Variants in USP34 observed in about 807,000 individuals in gnomAD.
USP34 encodes ubiquitin carboxyl-terminal hydrolase 34.
Under a neutral mutation model 460.3 loss-of-function variants are expected in USP34, and 70 were observed. The ratio of observed to expected loss-of-function variants is 0.15; its 90% CI spans 0.13 to 0.19. The LOEUF (loss-of-function observed/expected upper bound fraction) is 0.19, where lower values mean the gene tolerates loss of function less well. Among genes scored for constraint, USP34 ranks in the 10% least tolerant of loss-of-function variants. The pLI is 1.00. For missense variants in USP34, 3,985 were observed against 4,236.2 expected (o/e 0.94, Z 1.65); for synonymous variants, 1,647 against 1,405.3 (o/e 1.17, Z -3.85).
intron 27 of USP34, among the ~76,000 whole-genome samples, chr2:61,303,498 C>A (rs1050168441): frequency 6.6e-6 from 1 of 152,136 alleles, no homozygotes; most frequent in Admixed American, 6.5e-5. Context: ...TTATTCAAAT[C>A]ATTTTGTATT....
intron 1 of USP34, among the ~76,000 whole-genome samples, chr2:61,465,872 G>A (rs1360463248): frequency 2.0e-5 from 3 of 152,142 alleles, no homozygotes; most frequent in African/African-American, 7.2e-5. Flanking sequence ...AGCTCCTCGG[G>A]AAGCTGAGTC....
chr2:61,320,418 C>T (rs1447035123), intron 21 of USP34, among the ~76,000 whole-genome samples: 1 of 152,182 alleles, frequency 6.6e-6, no homozygotes, highest in Non-Finnish European at 1.5e-5. Context: ...GGGAGGAAAC[C>T]AGGGTACCCA....
intron 58 of USP34, 66 bp downstream of exon 58, chr2:61,232,386 T>C: frequency 7.7e-7 from 1 of 1,305,518 alleles, no homozygotes; most frequent in Non-Finnish European, 1.1e-6. Flanking sequence ...ATAAGCAAAT[T>C]GAGAATAATT....
At chr2:61,463,363 T>C (rs1007827424) in intron 1 of USP34, among the ~76,000 whole-genome samples, 8 of 152,254 alleles carry the variant, frequency 5.3e-5, no homozygotes, top group East Asian at 3.9e-4. Context: ...TTTTATTCAA[T>C]GAAAAAGATT....
At chr2:61,400,008 T>A (rs1427328857) in intron 3 of USP34, among the ~76,000 whole-genome samples, 1 of 151,934 alleles carries the variant, frequency 6.6e-6, no homozygotes, top group Non-Finnish European at 1.5e-5. Flanking sequence ...AAACCTCCCA[T>A]TTACTACATG....
chr2:61,339,216 A>T, intron 18 of USP34, 135 bp downstream of exon 18: 1 of 859,932 alleles, frequency 1.2e-6, no homozygotes, highest in Non-Finnish European at 1.6e-6. Flanking sequence ...TTCATATGAA[A>T]ACTATAATTA....
intron 1 of USP34, among the ~76,000 whole-genome samples, chr2:61,458,721 CCT>C (rs1480632229): frequency 6.6e-6 from 1 of 151,112 alleles, no homozygotes; most frequent in African/African-American, 2.4e-5. Context: ...ATATTTCACT[CCT>C]CTCATTCCCA....
chr2:61,395,254 A>G, intron 3 of USP34, 21 bp from the exon 4 acceptor site: 1 of 1,356,218 alleles, frequency 7.4e-7, no homozygotes, highest in Non-Finnish European at 1.0e-6. Context: ...AAAAAAAAGC[A>G]AGTAAAATTA....
chr2:61,391,678 G>C (rs1374355569), intron 5 of USP34, among the ~76,000 whole-genome samples: 28 of 152,042 alleles, frequency 1.8e-4, no homozygotes, highest in Admixed American at 1.8e-3. Context: ...AAAAGGAATA[G>C]ACATACAAAA....
At chr2:61,366,290 TA>T (rs1692438781) in intron 10 of USP34, among the ~76,000 whole-genome samples, 1 of 152,148 alleles carries the variant, frequency 6.6e-6, no homozygotes, top group Admixed American at 6.5e-5. Flanking sequence ...GTAAGAAAGC[TA>T]TAGAGGAGGT....
intron 23 of USP34, among the ~76,000 whole-genome samples, chr2:61,316,136 G>C (rs1243729273): frequency 2.6e-5 from 4 of 152,108 alleles, no homozygotes; most frequent in African/African-American, 9.7e-5. Context: ...AACCTGGGAG[G>C]CGGAGGTTGC....
At chr2:61,300,880 C>A in intron 29 of USP34, 71 bp downstream of exon 29, 8 of 975,346 alleles carry the variant, frequency 8.2e-6, no homozygotes, top group South Asian at 1.8e-5. Context: ...ATAAACTATA[C>A]TTTTATTAAA....
Position 61,220,151 on chromosome 2 carries a change from TAAAAA to T in USP34, c.8047+154_8047+158del, listed in dbSNP as rs60784334. ...CAAGAAATAACATGGTTTCCTATCCTAAAAAAAAAAAAAAAAAAAAAAAAAAAAAA... is the reference window on the plus strand; with the variant it reads ...CAAGAAATAACATGGTTTCCTATCCTAAAAAAAAAAAAAAAAAAAAAAAAA... On this transcript the variant is annotated intron_variant, in intron 67 of 79. Coordinates refer to ENST00000398571, the MANE Select transcript of USP34 (RefSeq NM_014709.4). 5.6e-3 allele frequency: 948 copies of T among 168,880 alleles called. 2 individuals are homozygous for T. Among genetic ancestry groups the T allele is most frequent in the Non-Finnish European group, 7.1e-3 (730 of 102,596 alleles). The allele number at this position is 168,880 out of a possible 1,614,324, so 10.5% of individuals were successfully genotyped here.
At chr2:61,444,715 A>C (rs1174078047) in intron 1 of USP34, among the ~76,000 whole-genome samples, 12 of 152,146 alleles carry the variant, frequency 7.9e-5, no homozygotes, top group Admixed American at 7.9e-4. Flanking sequence ...TACCTGAATG[A>C]CATGCCTAGT....
At chr2:61,300,900 T>G (rs1275469290) in intron 29 of USP34, 51 bp downstream of exon 29, 12 of 1,228,300 alleles carry the variant, frequency 9.8e-6, no homozygotes, top group Non-Finnish European at 1.4e-5. Flanking sequence ...AGTTACTATA[T>G]CCTCTCAACA....
At chr2:61,404,608 A>C (rs905048692) in intron 3 of USP34, among the ~76,000 whole-genome samples, 6 of 152,196 alleles carry the variant, frequency 3.9e-5, no homozygotes, top group Admixed American at 1.3e-4. Flanking sequence ...CCATGTGGAG[A>C]AAATACAAGG....
intron 5 of USP34, among the ~76,000 whole-genome samples, chr2:61,389,898 A>G (rs1436832551): frequency 2.0e-5 from 3 of 152,194 alleles, no homozygotes; most frequent in Non-Finnish European, 4.4e-5. Flanking sequence ...GTAACTGCAG[A>G]AAAACAGCGT....
intron 5 of USP34, among the ~76,000 whole-genome samples, chr2:61,388,383 A>G (rs1693233389): frequency 6.6e-6 from 1 of 151,758 alleles, no homozygotes; most frequent in Non-Finnish European, 1.5e-5. Flanking sequence ...ACAACCACCT[A>G]AGGAAACCAT....
chr2:61,253,208 G>C (rs559711146), intron 48 of USP34, among the ~76,000 whole-genome samples: 2 of 152,248 alleles, frequency 1.3e-5, no homozygotes, highest in East Asian at 3.9e-4. Context: ...GACTACCTGG[G>C]AGAGATGTGA....
Sources: allele counts gnomAD v4.1 joint callset (sites outside exome capture counted in the v4.1 genomes callset), GRCh38; gene constraint gnomAD v4.1.1; transcripts MANE v1.5; gene names NCBI Gene and HGNC (gene_info 2026-07-23, HGNC 2026-07-21).